The following PAPPA variants were observed in gnomAD, a reference collection of about 807,000 sequenced individuals.
The protein encoded by PAPPA is pappalysin 1, also known as pappalysin-1.
A neutral mutation model predicts 164.0 loss-of-function variants in PAPPA; 60 were observed. The observed-to-expected ratio is 0.37, with a 90% confidence interval of 0.30 to 0.45. The LOEUF is 0.45. Ranked by LOEUF, PAPPA falls within the 20% of genes least tolerant of loss-of-function variation. The pLI is 1.00. For missense variants in PAPPA, 1,782 were observed against 2,087.3 expected (o/e 0.85, Z 2.85); for synonymous variants, 875 against 814.1 (o/e 1.07, Z -1.27).
intron 7 of PAPPA, among the ~76,000 whole-genome samples, chr9:116,246,113 A>G (rs1207825848): frequency 1.3e-5 from 2 of 152,188 alleles, no homozygotes; most frequent in African/African-American, 2.4e-5. Flanking sequence ...ATTTGAATGA[A>G]TTATCCAAAA....
intron 7 of PAPPA, among the ~76,000 whole-genome samples, chr9:116,247,850 C>T (rs1331146): frequency 0.012 from 1,830 of 152,224 alleles, 44 homozygotes; most frequent in African/African-American, 0.043. Flanking sequence ...GACTCCCACA[C>T]CAGCACCAGC....
intron 1 of PAPPA, among the ~76,000 whole-genome samples, chr9:116,170,910 C>T (rs143765510): frequency 2.2e-3 from 328 of 151,930 alleles, no homozygotes; most frequent in Middle Eastern, 6.8e-3. Context: ...GAGACATCTT[C>T]ACTGAACCTT....
chr9:116,168,153 T>C (rs976184566), intron 1 of PAPPA, among the ~76,000 whole-genome samples: 1 of 152,234 alleles, frequency 6.6e-6, no homozygotes, highest in Non-Finnish European at 1.5e-5. Flanking sequence ...GAACTTCTTA[T>C]GTGCCAATCT....
Position 116,187,654 on chromosome 9 carries a change from C to G in PAPPA, c.916C>G (p.Pro306Ala). The change falls in exon 2 of 22, where the codon CCC (proline) becomes GCC (alanine). Residue 306 changes from proline (P) to alanine (A), a missense_variant. Physicochemically the swap from Pro to Ala is conservative, Grantham distance 27. Transcript: ENST00000328252. This position sits in a 1 kb window ranked among gnomAD's most constrained non-coding sequence, Gnocchi z 4.2. ...AWSPMKDGSS[P>A]KVEFSNAHGF... ...GTCCCCCATGAAGGATGGCAGCAGC[C>G]CCAAAGTGGAATTCAGCAATGCCCA... is the stretch of plus-strand genomic sequence containing the variant. 1 of 1,614,222 alleles carries G rather than the reference C, an allele frequency of 6.2e-7. No homozygotes were observed. The highest frequency in any genetic ancestry group is 8.5e-7 in the Non-Finnish European group (1 of 1,180,030).
At chr9:116,275,290 T>A (rs942912611) in intron 9 of PAPPA, among the ~76,000 whole-genome samples, 9 of 152,220 alleles carry the variant, frequency 5.9e-5, no homozygotes, top group African/African-American at 2.2e-4. Flanking sequence ...CAGATGCACA[T>A]TAGCTATTAC....
chr9:116,213,808 T>A (rs1844339072), intron 4 of PAPPA, among the ~76,000 whole-genome samples: 1 of 152,128 alleles, frequency 6.6e-6, no homozygotes, highest in African/African-American at 2.4e-5. Context: ...CAAAAGCATA[T>A]TCAAGGCAAC....
At chr9:116,340,940 C>G (rs1846128155) in intron 13 of PAPPA, among the ~76,000 whole-genome samples, 1 of 152,184 alleles carries the variant, frequency 6.6e-6, no homozygotes, top group Non-Finnish European at 1.5e-5. Context: ...TAGAGAGACT[C>G]ATCTTCTCAA....
chr9:116,393,639 C>CA (rs1017113754), intron 21 of PAPPA, among the ~76,000 whole-genome samples: 16 of 152,190 alleles, frequency 1.1e-4, no homozygotes, highest in Admixed American at 9.8e-4. Flanking sequence ...CTTTCAATGG[C>CA]AAAAACCACA....
chr9:116,192,011 G>A (rs910146827), intron 2 of PAPPA, among the ~76,000 whole-genome samples: 3 of 152,154 alleles, frequency 2.0e-5, no homozygotes, highest in African/African-American at 7.2e-5. Context: ...GGATTTCCTG[G>A]CAGCAGCTGT....
chr9:116,221,228 C>A, intron 5 of PAPPA, among the ~76,000 whole-genome samples: 1 of 152,018 alleles, frequency 6.6e-6, no homozygotes, highest in Non-Finnish European at 1.5e-5. Flanking sequence ...TCTAAGGGGA[C>A]CAGATTTAAA....
At chr9:116,188,666 C>T (rs533146913) in intron 2 of PAPPA, among the ~76,000 whole-genome samples, 1 of 152,274 alleles carries the variant, frequency 6.6e-6, no homozygotes, top group African/African-American at 2.4e-5. Context: ...GTACTCTAGC[C>T]ACATGGGACT....
chr9:116,222,721 T>A (rs541635863), intron 5 of PAPPA, among the ~76,000 whole-genome samples: 12 of 152,046 alleles, frequency 7.9e-5, no homozygotes, highest in South Asian at 6.2e-4. Context: ...ACGATGTTGA[T>A]CAAAGGGCAT....
At chr9:116,242,518 C>T (rs1222338609) in intron 7 of PAPPA, among the ~76,000 whole-genome samples, 1 of 152,202 alleles carries the variant, frequency 6.6e-6, no homozygotes, top group Non-Finnish European at 1.5e-5. Context: ...TTTTTAGCTG[C>T]TGTACAGTAT....
intron 4 of PAPPA, among the ~76,000 whole-genome samples, chr9:116,215,060 G>T (rs896463918): frequency 6.6e-6 from 1 of 152,178 alleles, no homozygotes; most frequent in Non-Finnish European, 1.5e-5. Context: ...CATTGCTGAA[G>T]TGAACTGCAA....
chr9:116,376,409 A>G (rs1433075256), intron 19 of PAPPA, among the ~76,000 whole-genome samples: 2 of 152,146 alleles, frequency 1.3e-5, no homozygotes, highest in Non-Finnish European at 2.9e-5. Flanking sequence ...CACTTTTTAA[A>G]ATATCATCAT....
intron 15 of PAPPA, among the ~76,000 whole-genome samples, chr9:116,350,625 A>T (rs994580579): frequency 1.6e-4 from 25 of 152,190 alleles, no homozygotes; most frequent in African/African-American, 4.8e-4. Context: ...AAGAGTCCCA[A>T]CACCTTTTCC....
chr9:116,368,574 C>G (rs986909705), intron 19 of PAPPA, among the ~76,000 whole-genome samples: 1 of 152,214 alleles, frequency 6.6e-6, no homozygotes, highest in African/African-American at 2.4e-5. Flanking sequence ...CTTTGTGTCA[C>G]CCAATCAACT....
At chr9:116,383,022 T>A (rs1294333558) in intron 21 of PAPPA, among the ~76,000 whole-genome samples, 1 of 152,188 alleles carries the variant, frequency 6.6e-6, no homozygotes, top group Non-Finnish European at 1.5e-5. Context: ...TTATTATCTA[T>A]CTTATTTGTC....
intron 1 of PAPPA, among the ~76,000 whole-genome samples, chr9:116,168,060 T>C (rs1843735685): frequency 6.6e-6 from 1 of 152,172 alleles, no homozygotes; most frequent in Non-Finnish European, 1.5e-5. Context: ...TCCTTTACAG[T>C]GTGGGGTGAT....
Sources: gnomAD v4.1 joint callset for allele counts (sites outside exome capture counted in the v4.1 genomes callset) on GRCh38, gnomAD v4.1.1 for gene constraint, Gnocchi (gnomAD v3.1) non-coding constraint, MANE v1.5 for transcripts, NCBI Gene and HGNC (gene_info 2026-07-23, HGNC 2026-07-21) for gene names.